PHAX: variants seen among roughly 807,000 people sequenced by gnomAD.
The protein encoded by PHAX is phosphorylated adapter RNA export protein.
PHAX carries 31 observed loss-of-function variants against 41.6 expected under a neutral mutation model. The observed-to-expected ratio is 0.75, with a 90% CI of 0.56 to 1.01. The LOEUF (loss-of-function observed/expected upper bound fraction) is 1.01, where lower values mean the gene tolerates loss of function less well. Ranked by LOEUF, PHAX falls within the 50% of genes least tolerant of loss-of-function variation. The pLI is 0.00. For missense variants in PHAX, 453 were observed against 472.9 expected (o/e 0.96, Z 0.39); for synonymous variants, 175 against 164.9 (o/e 1.06, Z -0.47).
chr5:126,623,951 T>C (rs1282054044), intron 4 of PHAX, among the ~76,000 whole-genome samples: 2 of 151,968 alleles, frequency 1.3e-5, no homozygotes, highest in Non-Finnish European at 2.9e-5. Context: ...CAATCCCTAA[T>C]CTGAAAATCC....
intron 4 of PHAX, among the ~76,000 whole-genome samples, 180 bp downstream of exon 4, chr5:126,617,513 C>G (rs1283759444): frequency 2.0e-5 from 3 of 152,126 alleles, no homozygotes; most frequent in African/African-American, 7.2e-5. Context: ...GAGTCTCACT[C>G]TGTCACCCAG....
chr5:126,603,153 C>T (rs1463300786), intron 1 of PHAX, among the ~76,000 whole-genome samples: 2 of 151,208 alleles, frequency 1.3e-5, no homozygotes, highest in Non-Finnish European at 2.9e-5. Flanking sequence ...GTAGGAGGAT[C>T]GCTTGAGCCT....
At position 126,624,906 on chromosome 5, in the gene PHAX, T is replaced by C; in HGVS notation, c.*62T>C. The C allele has an allele frequency of 6.8e-7, 1 of 1,460,970 alleles. No homozygotes were observed. Among genetic ancestry groups the C allele is most frequent in the Non-Finnish European group, 9.3e-7 (1 of 1,080,290 alleles). The allele number at this position is 1,460,970 out of a possible 1,614,324, so 90.5% of individuals were successfully genotyped here. A position where few individuals can be genotyped will look rare whatever the true frequency, so the allele number is the denominator to read the frequency against. ...AAATAACATTGTAATAAACCATTTT[T>C]ACTGAGATTGCAACGTTTTGCACTG... On this transcript the variant is annotated 3_prime_UTR_variant, in exon 5 of 5. Transcript: ENST00000297540.
intron 4 of PHAX, 46 bp downstream of exon 4, chr5:126,617,379 TCTA>T: frequency 8.9e-7 from 1 of 1,119,438 alleles, no homozygotes; most frequent in Non-Finnish European, 1.3e-6. Flanking sequence ...TAATTTGACT[TCTA>T]CTCACCCTCT....
chr5:126,620,274 CA>C, intron 4 of PHAX, among the ~76,000 whole-genome samples: 1 of 152,228 alleles, frequency 6.6e-6, no homozygotes, highest in African/African-American at 2.4e-5. Flanking sequence ...TGAGTGGTAG[CA>C]AAGATTATAC....
At chr5:126,609,799 G>A (rs1752052820) in intron 3 of PHAX, among the ~76,000 whole-genome samples, 1 of 151,940 alleles carries the variant, frequency 6.6e-6, no homozygotes, top group South Asian at 2.1e-4. Context: ...GAGTGCAGTG[G>A]CACGATCTCA....
chr5:126,610,253 G>A (rs930712021), intron 3 of PHAX, among the ~76,000 whole-genome samples: 16 of 152,178 alleles, frequency 1.1e-4, no homozygotes, highest in African/African-American at 2.9e-4. Flanking sequence ...GCCAGATCAC[G>A]AGCACTGGCG....
intron 3 of PHAX, among the ~76,000 whole-genome samples, chr5:126,614,251 C>T (rs1369936691): frequency 6.6e-6 from 1 of 151,666 alleles, no homozygotes; most frequent in Non-Finnish European, 1.5e-5. Flanking sequence ...AGGCATATCC[C>T]ACCATGTCCA....
chr5:126,626,907 TC>T lies in PHAX; in HGVS notation c.*2064del, dbSNP rs1024712520. The T allele has an allele frequency of 2.6e-5, 4 of 152,298 alleles. No homozygotes were observed. Among genetic ancestry groups the T allele is most frequent in the African/African-American group, 9.6e-5 (4 of 41,560 alleles). 9.4% of individuals were successfully genotyped at this position (152,298 alleles called of 1,614,324 possible). Reference sequence around the variant, plus strand: ...GCCTGGGTGACAGAGCAAGACTTTGTCTCAAAAATAATAATAGTAAAATGTT... The same window carrying T: ...GCCTGGGTGACAGAGCAAGACTTTGTTCAAAAATAATAATAGTAAAATGTT... On this transcript the variant is annotated 3_prime_UTR_variant, in exon 5 of 5. Coordinates refer to ENST00000297540, the MANE Select transcript of PHAX (RefSeq NM_032177.4).
chr5:126,620,378 TATTCTC>T (rs1479486953), intron 4 of PHAX, among the ~76,000 whole-genome samples: 1 of 152,200 alleles, frequency 6.6e-6, no homozygotes, highest in African/African-American at 2.4e-5. Flanking sequence ...GGACAAATAA[TATTCTC>T]AGGCAGGAGA....
At chr5:126,605,124 A>G (rs1424481765) in intron 2 of PHAX, among the ~76,000 whole-genome samples, 1 of 151,780 alleles carries the variant, frequency 6.6e-6, no homozygotes, top group Non-Finnish European at 1.5e-5. Context: ...TGGCCTCCCA[A>G]AGTGCTGGGA....
intron 3 of PHAX, among the ~76,000 whole-genome samples, chr5:126,616,218 A>G (rs1752182161): frequency 6.6e-6 from 1 of 151,974 alleles, no homozygotes; most frequent in African/African-American, 2.4e-5. Context: ...TTAGCCTCCC[A>G]AGTAGCTGGG....
In PHAX at chr5:126,617,540, A is replaced by G. The variant is rs548419059; in HGVS notation, c.915+207A>G. ...GTCACCCAGGCTGGAGTGTAGTGGC[A>G]TGATCTCAGCTCACTGCAACCTCCG... On this transcript the variant is annotated intron_variant, in intron 4 of 4. Transcript: ENST00000297540. 1.3e-4 allele frequency among the ~76,000 whole-genome samples: 20 copies of G among 151,798 alleles called. No individual in the cohort carries two copies. In the South Asian group the frequency reaches 4.2e-3, roughly 32 times the overall value.
At chr5:126,611,681 C>T (rs1279591603) in intron 3 of PHAX, among the ~76,000 whole-genome samples, 1 of 151,688 alleles carries the variant, frequency 6.6e-6, no homozygotes, top group Non-Finnish European at 1.5e-5. Flanking sequence ...GTCCCAACTA[C>T]CTAGGAGGCT....
At chr5:126,607,583 T>C (rs1010208188) in intron 2 of PHAX, among the ~76,000 whole-genome samples, 7 of 151,874 alleles carry the variant, frequency 4.6e-5, no homozygotes, top group African/African-American at 1.5e-4. Flanking sequence ...TTGTATTTTT[T>C]GTAAAGACGG....
chr5:126,617,090 G>T, intron 3 of PHAX, 160 bp from the exon 4 acceptor site: 1 of 424,600 alleles, frequency 2.4e-6, no homozygotes, highest in Non-Finnish European at 4.3e-6. Flanking sequence ...CTCATATTTC[G>T]GTAATTTACT....
intron 4 of PHAX, among the ~76,000 whole-genome samples, chr5:126,624,361 A>G (rs1166885456): frequency 6.6e-6 from 1 of 152,146 alleles, no homozygotes; most frequent in Non-Finnish European, 1.5e-5. Flanking sequence ...TAGAATAAGC[A>G]TGGGCCCTAA....
chr5:126,612,225 A>G (rs911419130), intron 3 of PHAX, among the ~76,000 whole-genome samples: 3 of 152,118 alleles, frequency 2.0e-5, no homozygotes, highest in South Asian at 2.1e-4. Context: ...CCTAATCTCT[A>G]CCTAGTTCCT....
intron 4 of PHAX, among the ~76,000 whole-genome samples, chr5:126,623,142 GAAAAA>G (rs948454414): frequency 6.6e-6 from 1 of 151,302 alleles, no homozygotes; most frequent in African/African-American, 2.4e-5. Flanking sequence ...AAAAGAAGAA[GAAAAA>G]AAATAAGAAT....
Sources: gnomAD v4.1 joint callset for allele counts (sites outside exome capture counted in the v4.1 genomes callset) on GRCh38, gnomAD v4.1.1 for gene constraint, MANE v1.5 for transcripts, NCBI Gene and HGNC (gene_info 2026-07-23, HGNC 2026-07-21) for gene names.